Variants in CNTNAP5 observed in about 807,000 individuals in gnomAD.
CNTNAP5 encodes contactin-associated protein-like 5.
In CNTNAP5, 72 loss-of-function variants were observed where a neutral mutation model predicts 150.2. That is an observed-to-expected ratio of 0.48 (90% CI 0.40 to 0.58). CNTNAP5 has a LOEUF of 0.58. CNTNAP5 is among the 20% of genes least tolerant of loss of function. The pLI, the probability that CNTNAP5 is intolerant of heterozygous loss-of-function variation, is 0.00. For synonymous variants in CNTNAP5, 672 were observed against 619.8 expected (o/e 1.08, Z -1.25); for missense variants, 1,636 against 1,626.2 (o/e 1.01, Z -0.10).
At chr2:124,833,111 T>C (rs1482856668) in intron 19 of CNTNAP5, among the ~76,000 whole-genome samples, 1 of 152,032 alleles carries the variant, frequency 6.6e-6, no homozygotes, top group African/African-American at 2.4e-5. Flanking sequence ...GGTTTTGCCA[T>C]GTTGCCCAGG....
rs182363505 is a variant in CNTNAP5, at chr2:124,132,214, C to T, written c.83-89491C>T. Among the ~76,000 whole-genome samples the T allele has an allele frequency of 7.9e-5, 12 of 152,270 alleles. No homozygotes were observed. The Middle Eastern group carries it at 0.014, about 173-fold the overall frequency. ...GTCTGGAGATCTGAGCAGAACCTAT[C>T]GCTTCTCCTTGACAGTTTGCTGAGT... On this transcript the variant is annotated intron_variant, in intron 1 of 23. Coordinates refer to ENST00000682447, the MANE Select transcript of CNTNAP5 (RefSeq NM_001367498.1).
At chr2:124,137,060 A>G (rs1683990064) in intron 1 of CNTNAP5, among the ~76,000 whole-genome samples, 2 of 151,984 alleles carry the variant, frequency 1.3e-5, no homozygotes, top group South Asian at 2.1e-4. Flanking sequence ...CATGACTTAT[A>G]TTGTGCTGAG....
intron 14 of CNTNAP5, among the ~76,000 whole-genome samples, chr2:124,763,194 A>T (rs1475128205): frequency 6.6e-6 from 1 of 152,148 alleles, no homozygotes; most frequent in Admixed American, 6.6e-5. Context: ...AAGCACCTCG[A>T]GTTAAAAGGT....
intron 7 of CNTNAP5, among the ~76,000 whole-genome samples, chr2:124,481,504 T>G (rs1306590145): frequency 6.6e-6 from 1 of 152,166 alleles, no homozygotes; most frequent in Non-Finnish European, 1.5e-5. Flanking sequence ...TAAAAATATT[T>G]CTATATAAAA....
chr2:124,742,334 C>T (rs1680512397), intron 13 of CNTNAP5, among the ~76,000 whole-genome samples: 1 of 151,328 alleles, frequency 6.6e-6, no homozygotes, highest in African/African-American at 2.4e-5. Flanking sequence ...CAGAAAGACA[C>T]TGAACATTTG....
intron 11 of CNTNAP5, among the ~76,000 whole-genome samples, chr2:124,595,023 TAAG>T (rs1455786046): frequency 5.0e-5 from 7 of 139,524 alleles, no homozygotes; most frequent in Non-Finnish European, 7.7e-5. Context: ...CTTATCAGCT[TAAG>T]GAGATTTTGG....
At chr2:124,822,270 G>A (rs1013288126) in intron 19 of CNTNAP5, among the ~76,000 whole-genome samples, 1 of 152,136 alleles carries the variant, frequency 6.6e-6, no homozygotes, top group African/African-American at 2.4e-5. Flanking sequence ...TGCTTAGACA[G>A]GGTTGATGTG....
chr2:124,541,179 A>ATTTTTTTTTTTTT lies in CNTNAP5; in HGVS notation c.1649+13728_1649+13740dup, dbSNP rs3980963. ...AGAGGATAAGAAGTACAAAATTCCGATTTTTTTTTTTTTTTTTGGTGAGAA... is the reference window on the plus strand; with the variant it reads ...AGAGGATAAGAAGTACAAAATTCCGATTTTTTTTTTTTTTTTTTTTTTTTTTTTTTGGTGAGAA... On this transcript the variant is annotated intron_variant, in intron 10 of 23. Coordinates refer to ENST00000682447, the MANE Select transcript of CNTNAP5 (RefSeq NM_001367498.1). Among the ~76,000 whole-genome samples the ATTTTTTTTTTTTT allele has an allele frequency of 1.0e-3, 85 of 83,060 alleles. 4 individuals are homozygous for ATTTTTTTTTTTTT. Among genetic ancestry groups the ATTTTTTTTTTTTT allele is most frequent in the African/African-American group, 3.2e-3 (69 of 21,352 alleles). 54.5% of individuals were successfully genotyped at this position (83,060 alleles called of 152,430 possible).
intron 3 of CNTNAP5, among the ~76,000 whole-genome samples, chr2:124,376,423 A>G (rs541428342): frequency 5.9e-5 from 9 of 152,220 alleles, no homozygotes; most frequent in African/African-American, 1.9e-4. Context: ...CATTTGGGTA[A>G]GTGGAGGTAT....
At chr2:124,165,775 G>A (rs1239282948) in intron 1 of CNTNAP5, among the ~76,000 whole-genome samples, 1 of 152,130 alleles carries the variant, frequency 6.6e-6, no homozygotes. Flanking sequence ...GGAGGGATCT[G>A]TCCCTGCCTC....
At chr2:124,175,383 T>C (rs1395484076) in intron 1 of CNTNAP5, among the ~76,000 whole-genome samples, 1 of 152,264 alleles carries the variant, frequency 6.6e-6, no homozygotes, top group African/African-American at 2.4e-5. Flanking sequence ...TTATACTCTT[T>C]TATTCCTTAT....
chr2:124,799,596 G>T (rs891704507), intron 19 of CNTNAP5, among the ~76,000 whole-genome samples: 2 of 152,208 alleles, frequency 1.3e-5, no homozygotes, highest in Non-Finnish European at 2.9e-5. Flanking sequence ...AGCCTGGAGT[G>T]TGCCCCATAC....
chr2:124,597,459 T>TGAATATTG (rs1696854639), intron 11 of CNTNAP5, among the ~76,000 whole-genome samples: 1 of 149,414 alleles, frequency 6.7e-6, no homozygotes, highest in African/African-American at 2.4e-5. Flanking sequence ...TTAAGAATGT[T>TGAATATTG]GAATATTGGC....
At chr2:124,090,919 T>G (rs1682798393) in intron 1 of CNTNAP5, among the ~76,000 whole-genome samples, 1 of 152,206 alleles carries the variant, frequency 6.6e-6, no homozygotes, top group African/African-American at 2.4e-5. Flanking sequence ...TTCAATACAT[T>G]AAGCCCATTG....
chr2:124,402,200 A>G (rs755163681), intron 3 of CNTNAP5, among the ~76,000 whole-genome samples: 1 of 152,146 alleles, frequency 6.6e-6, no homozygotes, highest in Non-Finnish European at 1.5e-5. Flanking sequence ...ATGACAGTGA[A>G]GGCCAGGACA....
intron 7 of CNTNAP5, among the ~76,000 whole-genome samples, chr2:124,481,319 A>T (rs954719568): frequency 6.6e-6 from 1 of 152,232 alleles, no homozygotes; most frequent in African/African-American, 2.4e-5. Context: ...GAATTTCAGG[A>T]AGGGGAGGAT....
At chr2:124,410,190 A>C (rs144826250) in intron 3 of CNTNAP5, among the ~76,000 whole-genome samples, 4 of 150,484 alleles carry the variant, frequency 2.7e-5, no homozygotes, top group Non-Finnish European at 5.9e-5. Context: ...TATCCTAAAT[A>C]TATATGCACC....
At chr2:124,485,667 A>G (rs1392362694) in intron 7 of CNTNAP5, among the ~76,000 whole-genome samples, 4 of 150,846 alleles carry the variant, frequency 2.7e-5, no homozygotes, top group Non-Finnish European at 4.4e-5. Flanking sequence ...AACACATAGC[A>G]TACAGATAGC....
chr2:124,785,056 A>AG (rs984252051), intron 17 of CNTNAP5, among the ~76,000 whole-genome samples: 1 of 150,246 alleles, frequency 6.7e-6, no homozygotes, highest in Non-Finnish European at 1.5e-5. Context: ...AAAAAAAAAA[A>AG]ACAAAAGAAA....
Sources: allele counts gnomAD v4.1 joint callset (sites outside exome capture counted in the v4.1 genomes callset), GRCh38; gene constraint gnomAD v4.1.1; transcripts MANE v1.5; gene names NCBI Gene and HGNC (gene_info 2026-07-23, HGNC 2026-07-21).